Variants in SPAG16 observed in about 807,000 individuals in gnomAD.
SPAG16 encodes sperm associated antigen 16.
A neutral mutation model predicts 80.4 loss-of-function variants in SPAG16; 86 were observed. The observed-to-expected ratio is 1.07, with a 90% CI of 0.90 to 1.28. The LOEUF is 1.28. Among genes scored for constraint, SPAG16 ranks in the 50% most tolerant of loss-of-function variants. The probability of loss-of-function intolerance (pLI) is 0.00; values close to 1 mark genes in which losing one functional copy is unlikely to be tolerated. For missense variants in SPAG16, 870 were observed against 765.3 expected (o/e 1.14, Z -1.61); for synonymous variants, 294 against 265.9 (o/e 1.11, Z -1.03).
At chr2:213,430,256 C>T (rs975658386) in intron 9 of SPAG16, among the ~76,000 whole-genome samples, 7 of 152,210 alleles carry the variant, frequency 4.6e-5, no homozygotes, top group Non-Finnish European at 7.4e-5. Flanking sequence ...CATTTTGGAA[C>T]GTGAAGACAG....
intron 10 of SPAG16, among the ~76,000 whole-genome samples, chr2:213,595,104 G>GA (rs1033359666): frequency 2.0e-5 from 3 of 151,334 alleles, no homozygotes; most frequent in Non-Finnish European, 4.4e-5. Flanking sequence ...TTCTCAAGGA[G>GA]AAAAAAATAA....
rs764641848 is a variant in SPAG16 at position 214,149,175 on chromosome 2, T to C, written c.1629T>C (p.Val543=). The change falls in exon 15 of 16, where the codon GTT becomes GTC. Residue 543 remains valine (V), a synonymous_variant. Transcript: ENST00000331683. ...TAGCATCCTGTGATGCCTGTGGGGT[T>C]ACAAAGCTGTGGGACTTTCGGAAGC... ...HMIASCDACG[V]TKLWDFRKLL... is the part of the protein sequence containing the mutation. The C allele has an allele frequency of 6.9e-6, 11 of 1,593,984 alleles. No homozygotes were observed. Among genetic ancestry groups the C allele is most frequent in the Non-Finnish European group, 4.3e-6 (5 of 1,169,740 alleles).
intron 10 of SPAG16, among the ~76,000 whole-genome samples, chr2:213,702,229 T>C (rs1175927129): frequency 6.6e-6 from 1 of 152,110 alleles, no homozygotes. Context: ...ACCAATCAGC[T>C]CTCTGTAAAA....
Position 213,796,960 on chromosome 2 carries a change from A to T in SPAG16, c.1071-65525A>T, listed in dbSNP as rs917299047. Reference sequence around the variant, plus strand: ...GACCTTTTAGTGAGAGAAGATGTGGATGTGGAAGAAAGTGATATTGATGAT... The same window carrying T: ...GACCTTTTAGTGAGAGAAGATGTGGTTGTGGAAGAAAGTGATATTGATGAT... On this transcript the variant is annotated intron_variant, in intron 10 of 15. Coordinates refer to ENST00000331683, the MANE Select transcript of SPAG16 (RefSeq NM_024532.5). Among the ~76,000 whole-genome samples, 17 of 151,992 alleles carry T rather than the reference A, an allele frequency of 1.1e-4. 1 individual carries two copies. The highest frequency in any genetic ancestry group is 7.4e-5 in the Non-Finnish European group (5 of 67,990).
chr2:214,135,159 C>T (rs547665305), intron 14 of SPAG16, among the ~76,000 whole-genome samples: 1 of 152,300 alleles, frequency 6.6e-6, no homozygotes, highest in South Asian at 2.1e-4. Flanking sequence ...TAGCATTTAA[C>T]TCTTCTATTG....
intron 5 of SPAG16, among the ~76,000 whole-genome samples, chr2:213,325,713 C>T (rs1362042711): frequency 1.3e-5 from 2 of 151,858 alleles, no homozygotes; most frequent in African/African-American, 4.8e-5. Flanking sequence ...CATAGCATAT[C>T]TCTCCATTTA....
intron 6 of SPAG16, among the ~76,000 whole-genome samples, chr2:213,347,481 G>A (rs1173261657): frequency 2.0e-5 from 3 of 152,172 alleles, no homozygotes; most frequent in Non-Finnish European, 1.5e-5. Flanking sequence ...TGATGTTAGG[G>A]TGTCAATTTT....
chr2:213,486,895 AATAG>A (rs1298419049), intron 9 of SPAG16, among the ~76,000 whole-genome samples: 1 of 152,098 alleles, frequency 6.6e-6, no homozygotes, highest in African/African-American at 2.4e-5. Context: ...TAGCAATATA[AATAG>A]ATAATGTTTA....
chr2:213,586,394 G>T (rs546033844), intron 10 of SPAG16, among the ~76,000 whole-genome samples: 2 of 152,302 alleles, frequency 1.3e-5, no homozygotes, highest in South Asian at 2.1e-4. Flanking sequence ...GAACAAGACA[G>T]CTATCTAGCA....
intron 15 of SPAG16, among the ~76,000 whole-genome samples, chr2:214,272,815 G>A (rs10205401): frequency 0.12 from 18,133 of 151,970 alleles, 1,158 homozygotes; most frequent in Middle Eastern, 0.23. Flanking sequence ...CCAGTAATGG[G>A]ATGGCTGGGT....
intron 10 of SPAG16, among the ~76,000 whole-genome samples, chr2:213,692,013 G>T (rs953856108): frequency 1.2e-4 from 19 of 152,258 alleles, no homozygotes; most frequent in Admixed American, 7.8e-4. Flanking sequence ...AAATTAAGAT[G>T]TCAACAAATA....
At chr2:214,272,427 T>C (rs1327717688) in intron 15 of SPAG16, among the ~76,000 whole-genome samples, 1 of 152,178 alleles carries the variant, frequency 6.6e-6, no homozygotes, top group Non-Finnish European at 1.5e-5. Context: ...GTATTTGTCC[T>C]AATGCTATCC....
intron 10 of SPAG16, among the ~76,000 whole-genome samples, chr2:213,809,625 T>G (rs890441269): frequency 2.0e-5 from 3 of 152,124 alleles, no homozygotes; most frequent in Non-Finnish European, 4.4e-5. Context: ...GGTTACTTGC[T>G]GAGAATGGGA....
chr2:213,486,373 G>A (rs1458235221), intron 9 of SPAG16, among the ~76,000 whole-genome samples: 1 of 151,970 alleles, frequency 6.6e-6, no homozygotes, highest in African/African-American at 2.4e-5. Context: ...AGAGATGGCT[G>A]CATTCTCATG....
At position 214,324,938 on chromosome 2, in the gene SPAG16, A is replaced by G. The variant is rs540788764; in HGVS notation, c.1721-85202A>G. 4.6e-5 allele frequency among the ~76,000 whole-genome samples: 7 copies of G among 152,380 alleles called. No individual in the cohort carries two copies. In the East Asian group the frequency reaches 5.8e-4, roughly 13 times the overall value. On this transcript the variant is annotated intron_variant, in intron 15 of 15. Coordinates refer to ENST00000331683, the MANE Select transcript of SPAG16 (RefSeq NM_024532.5). ...CATACAGTTGCACACAGAATGTCAA[A>G]TGCATGTCATAAATGACCATCTGCT... is the stretch of plus-strand genomic sequence containing the variant.
intron 15 of SPAG16, among the ~76,000 whole-genome samples, chr2:214,152,834 G>C (rs1248436240): frequency 6.6e-6 from 1 of 152,212 alleles, no homozygotes; most frequent in African/African-American, 2.4e-5. Flanking sequence ...CAGAGAGGGA[G>C]AGGAGACAGA....
At chr2:213,964,521 T>A (rs2044609698) in intron 12 of SPAG16, among the ~76,000 whole-genome samples, 1 of 152,160 alleles carries the variant, frequency 6.6e-6, no homozygotes, top group Non-Finnish European at 1.5e-5. Flanking sequence ...ATTCTTCTTT[T>A]TTTTCTGTCA....
intron 10 of SPAG16, among the ~76,000 whole-genome samples, chr2:213,536,479 C>T (rs2076252099): frequency 1.3e-5 from 2 of 152,188 alleles, no homozygotes; most frequent in South Asian, 4.1e-4. Flanking sequence ...TCCACATCCT[C>T]TCCAGCACCT....
At chr2:213,360,870 A>G (rs948335432) in intron 7 of SPAG16, among the ~76,000 whole-genome samples, 1 of 152,206 alleles carries the variant, frequency 6.6e-6, no homozygotes, top group Non-Finnish European at 1.5e-5. Flanking sequence ...CGCTTTGAGA[A>G]TTCATTTCCA....
Sources: allele counts gnomAD v4.1 joint callset (sites outside exome capture counted in the v4.1 genomes callset), GRCh38; gene constraint gnomAD v4.1.1; transcripts MANE v1.5; gene names NCBI Gene and HGNC (gene_info 2026-07-23, HGNC 2026-07-21).